GAS2: variants seen among roughly 807,000 people sequenced by gnomAD.
GAS2 encodes the protein growth arrest specific 2, also known as growth arrest-specific protein 2.
A neutral mutation model predicts 37.5 loss-of-function variants in GAS2; 20 were observed. The ratio of observed to expected loss-of-function variants is 0.53; its 90% CI spans 0.37 to 0.77. The LOEUF is 0.77. Ranked by LOEUF, GAS2 falls within the 30% of genes least tolerant of loss-of-function variation. The probability of loss-of-function intolerance (pLI) is 0.00; values close to 1 mark genes in which losing one functional copy is unlikely to be tolerated. For missense variants in GAS2, 336 were observed against 373.4 expected (o/e 0.90, Z 0.82); for synonymous variants, 144 against 132.2 (o/e 1.09, Z -0.61).
Position 22,674,892 on chromosome 11 carries a change from AG to A in GAS2, c.25del (p.Val9TyrfsTer17). 1 of 1,611,844 alleles carries A rather than the reference AG, an allele frequency of 6.2e-7. No individual in the cohort carries two copies. The highest frequency in any genetic ancestry group is 8.5e-7 in the Non-Finnish European group (1 of 1,179,086). Reference protein sequence around the residue: MCTALSPKVRSGPGLSDM... With the variant: MCTALSPXVRSGPGLSDM... ...ATAATGTGCACTGCTCTGAGCCCAA[AG>A]GTACGCAGTGGACCTGGCCTCTCTG... On this transcript the variant is annotated frameshift_variant, in exon 2 of 8. Transcript: ENST00000454584. LOFTEE classifies it high-confidence loss of function.
intron 1 of GAS2, among the ~76,000 whole-genome samples, chr11:22,639,737 G>T (rs976674596): frequency 2.6e-5 from 4 of 151,848 alleles, no homozygotes; most frequent in Admixed American, 2.0e-4. Context: ...AACACACTAG[G>T]TTTACCTTTC....
chr11:22,655,510 A>T (rs1356830051), intron 1 of GAS2, among the ~76,000 whole-genome samples: 1 of 152,354 alleles, frequency 6.6e-6, no homozygotes, highest in African/African-American at 2.4e-5. Flanking sequence ...CTGATTCAAA[A>T]ATTTGATCCA....
rs923726616 is a variant in GAS2, at chr11:22,733,478, A to G, written c.410-4227A>G. Among the ~76,000 whole-genome samples the G allele has an allele frequency of 3.3e-5, 5 of 151,914 alleles. No homozygotes were observed. The South Asian group carries it at 1.0e-3, about 31-fold the overall frequency. Reference sequence around the variant, plus strand: ...AACCAAATGGACAACATAATTTTTCATGCTTTCATTTCTTTGCCCATCTGT... The same window carrying G: ...AACCAAATGGACAACATAATTTTTCGTGCTTTCATTTCTTTGCCCATCTGT... On this transcript the variant is annotated intron_variant, in intron 4 of 7. Transcript: ENST00000454584.
At chr11:22,798,210 A>G (rs898093349) in intron 7 of GAS2, among the ~76,000 whole-genome samples, 5 of 152,078 alleles carry the variant, frequency 3.3e-5, no homozygotes, top group African/African-American at 1.2e-4. Context: ...TAAGAACCTT[A>G]TCATTATCAG....
At chr11:22,713,064 C>CA (rs61240215) in intron 3 of GAS2, among the ~76,000 whole-genome samples, 12,874 of 111,904 alleles carry the variant, frequency 0.12, 782 homozygotes, top group African/African-American at 0.2. Context: ...GAGACTGTGT[C>CA]AAAAAAAAAA....
At chr11:22,641,218 ATGTG>A (rs1162937201) in intron 1 of GAS2, among the ~76,000 whole-genome samples, 6 of 142,192 alleles carry the variant, frequency 4.2e-5, no homozygotes, top group African/African-American at 1.3e-4. Context: ...ATATATATAT[ATGTG>A]TGTGTGTATA....
At chr11:22,626,808 AAG>A (rs1858662304) in intron 1 of GAS2, 1 of 152,228 alleles carries the variant, frequency 6.6e-6, no homozygotes, top group Non-Finnish European at 1.5e-5. Flanking sequence ...ACAAATTTAA[AAG>A]AGGGGAAGAG....
At chr11:22,684,449 T>A (rs1478274465) in intron 2 of GAS2, among the ~76,000 whole-genome samples, 1 of 152,160 alleles carries the variant, frequency 6.6e-6, no homozygotes, top group Non-Finnish European at 1.5e-5. Context: ...ATTAAGGTTA[T>A]GGCATGAGAA....
At chr11:22,779,057 T>TTC (rs1855413457) in intron 7 of GAS2, among the ~76,000 whole-genome samples, 1 of 151,856 alleles carries the variant, frequency 6.6e-6, no homozygotes, top group Admixed American at 6.6e-5. Flanking sequence ...TTTTTTTTTT[T>TTC]TCTCTTCAGT....
intron 3 of GAS2, among the ~76,000 whole-genome samples, chr11:22,720,018 CATT>C (rs1851872147): frequency 6.6e-6 from 1 of 151,966 alleles, no homozygotes; most frequent in Non-Finnish European, 1.5e-5. Context: ...TCATTTCAAA[CATT>C]AGTTTATATT....
rs370916450 is a variant in GAS2 at position 22,811,887 on chromosome 11, G to A, written c.813G>A (p.Met271Ile). The stretch of plus-strand genomic sequence containing the variant: ...TGTTGAAACACGACCCCTGCCGAAT[G>A]CTGCAGATCTCCCGTGTGGATGGCA... ...GYLLKHDPCR[M>I]LQISRVDGKT... is the part of the protein sequence containing the mutation. The change falls in exon 8 of 8, where the codon ATG becomes ATA. Residue 271 changes from methionine (M) to isoleucine (I), a missense_variant. Coordinates refer to ENST00000454584, the MANE Select transcript of GAS2 (RefSeq NM_001143830.3). 1 of 1,614,028 alleles carries A rather than the reference G, an allele frequency of 6.2e-7. No individual in the cohort carries two copies. Among genetic ancestry groups the A allele is most frequent in the African/African-American group, 1.3e-5 (1 of 74,918 alleles).
At chr11:22,627,937 GA>G (rs930458484) in intron 1 of GAS2, among the ~76,000 whole-genome samples, 4 of 152,022 alleles carry the variant, frequency 2.6e-5, no homozygotes, top group Admixed American at 2.6e-4. Context: ...TAAGGAGGTG[GA>G]AAAAATCCAA....
chr11:22,727,067 A>G (rs1464211543), intron 4 of GAS2, among the ~76,000 whole-genome samples: 1 of 152,114 alleles, frequency 6.6e-6, no homozygotes, highest in African/African-American at 2.4e-5. Flanking sequence ...AGTCACTTCC[A>G]AATCATAGAA....
intron 6 of GAS2, among the ~76,000 whole-genome samples, chr11:22,752,633 C>T (rs1853804315): frequency 6.6e-6 from 1 of 150,660 alleles, no homozygotes; most frequent in African/African-American, 2.4e-5. Context: ...CTATTATCTG[C>T]CACCCCAAAA....
intron 7 of GAS2, among the ~76,000 whole-genome samples, chr11:22,790,437 C>A (rs61889474): frequency 0.15 from 22,350 of 152,174 alleles, 2,017 homozygotes; most frequent in Non-Finnish European, 0.2. Flanking sequence ...CACCTGATTT[C>A]CCTCAGATGG....
At chr11:22,649,791 A>G (rs1214227371) in intron 1 of GAS2, among the ~76,000 whole-genome samples, 1 of 151,248 alleles carries the variant, frequency 6.6e-6, no homozygotes, top group Non-Finnish European at 1.5e-5. Flanking sequence ...TATTGCGTCT[A>G]TTTGATTCTT....
intron 1 of GAS2, among the ~76,000 whole-genome samples, chr11:22,653,862 A>G (rs961427589): frequency 6.6e-6 from 1 of 152,158 alleles, no homozygotes; most frequent in African/African-American, 2.4e-5. Context: ...CAAAAATCCC[A>G]AAAGGCCATG....
intron 1 of GAS2, among the ~76,000 whole-genome samples, chr11:22,651,056 T>C (rs1279617893): frequency 6.6e-6 from 1 of 152,202 alleles, no homozygotes; most frequent in Non-Finnish European, 1.5e-5. Flanking sequence ...GCAGCTGGTA[T>C]CGGTTGTTCC....
In GAS2 at chr11:22,811,959, T is replaced by A; in HGVS notation, c.885T>A (p.Asn295Lys). 6.2e-7 allele frequency: 1 copy of A among 1,614,084 alleles called. No individual in the cohort carries two copies. The highest frequency in any genetic ancestry group is 8.5e-7 in the Non-Finnish European group (1 of 1,180,008). Residue 295 changes from asparagine (N) to lysine (K), a missense_variant, in exon 8 of 8, where the codon AAT becomes AAA. Asn to Lys is a moderately conservative substitution (Grantham distance 94, BLOSUM62 0). Transcript: ENST00000454584. The stretch of plus-strand genomic sequence containing the variant: ...AATCTCCAACTCTAAAGGACATGAA[T>A]CCAGATAACTACTTGGTGGTCTCTG... ...QSKSPTLKDM[N>K]PDNYLVVSAS...
Sources: allele counts gnomAD v4.1 joint callset (sites outside exome capture counted in the v4.1 genomes callset), GRCh38; gene constraint gnomAD v4.1.1; transcripts MANE v1.5; gene names NCBI Gene and HGNC (gene_info 2026-07-23, HGNC 2026-07-21).